Variants in NEGR1 observed in about 807,000 individuals in gnomAD.
The protein encoded by NEGR1 is IgLON family member 4.
Under a neutral mutation model 40.9 loss-of-function variants are expected in NEGR1, and 10 were observed. The ratio of observed to expected loss-of-function variants is 0.24; its 90% CI spans 0.15 to 0.42. The LOEUF (loss-of-function observed/expected upper bound fraction) is 0.42, where lower values mean the gene tolerates loss of function less well. Among genes scored for constraint, NEGR1 ranks in the 10% least tolerant of loss-of-function variants. The pLI is 1.00. For synonymous variants in NEGR1, 185 were observed against 166.8 expected, an observed-to-expected ratio of 1.11 and a Z score of -0.84; for missense variants, 352 against 438.9, an observed-to-expected ratio of 0.80 and a Z score of 1.77.
In NEGR1 at chr1:72,070,391, T is replaced by C. The variant is rs746991789; in HGVS notation, c.177-135080A>G. ...TAAAGAGTCGTAGGAGTAGTAGGAT[T>C]CTAATTTAAAGTCCTGTCAATATTA... is the stretch of plus-strand genomic sequence containing the variant. On this transcript the variant is annotated intron_variant, in intron 1 of 6. Coordinates refer to ENST00000357731, the MANE Select transcript of NEGR1 (RefSeq NM_173808.3). Among the ~76,000 whole-genome samples, 3 of 152,122 alleles carry C rather than the reference T, an allele frequency of 2.0e-5. No individual in the cohort carries two copies. The East Asian group carries it at 5.8e-4, about 29-fold the overall frequency.
chr1:71,751,246 G>T (rs1317835233), intron 3 of NEGR1, among the ~76,000 whole-genome samples: 1 of 152,016 alleles, frequency 6.6e-6, no homozygotes, highest in East Asian at 1.9e-4. Context: ...CCCAAGATCT[G>T]TTATTTTAAT....
chr1:71,526,480 C>G (rs930577480), intron 6 of NEGR1, among the ~76,000 whole-genome samples: 1 of 151,178 alleles, frequency 6.6e-6, no homozygotes, highest in Non-Finnish European at 1.5e-5. Flanking sequence ...GGATAAAGTC[C>G]AAGACATTTG....
intron 6 of NEGR1, among the ~76,000 whole-genome samples, chr1:71,567,796 A>G (rs1342954607): frequency 1.3e-5 from 2 of 151,718 alleles, no homozygotes; most frequent in African/African-American, 4.8e-5. Flanking sequence ...TGGGGAGCCA[A>G]TTAGGCCATG....
chr1:72,269,997 G>A (rs1410315664), intron 1 of NEGR1, among the ~76,000 whole-genome samples: 1 of 151,752 alleles, frequency 6.6e-6, no homozygotes, highest in South Asian at 2.1e-4. Flanking sequence ...CGTAATAAAT[G>A]AATAGCCAAT....
At position 72,251,139 on chromosome 1, in the gene NEGR1, T is replaced by C. The variant is rs1007046582; in HGVS notation, c.176+31180A>G. Among the ~76,000 whole-genome samples the C allele has an allele frequency of 2.6e-5, 4 of 152,208 alleles. No homozygotes were observed. The East Asian group carries it at 7.7e-4, about 29-fold the overall frequency. ...GATATTGAAACTGACTCCTGTTTAC[T>C]AGAAATTCTCTTGTGACTGTGTATG... is the stretch of plus-strand genomic sequence containing the variant. On this transcript the variant is annotated intron_variant, in intron 1 of 6. Transcript: ENST00000357731.
chr1:71,527,706 T>C (rs72938070), intron 6 of NEGR1, among the ~76,000 whole-genome samples: 6,090 of 151,366 alleles, frequency 0.04, 406 homozygotes, highest in African/African-American at 0.14. Flanking sequence ...TATTCACTTA[T>C]GGAGGAAAGA....
intron 1 of NEGR1, among the ~76,000 whole-genome samples, chr1:72,018,639 C>T (rs1338371819): frequency 1.3e-5 from 2 of 152,060 alleles, no homozygotes; most frequent in Non-Finnish European, 2.9e-5. Context: ...ATAAGTGCCA[C>T]AAAGCAAAAT....
At chr1:72,146,514 G>A (rs1184691665) in intron 1 of NEGR1, among the ~76,000 whole-genome samples, 1 of 152,082 alleles carries the variant, frequency 6.6e-6, no homozygotes, top group Non-Finnish European at 1.5e-5. Context: ...GCTGGATGAT[G>A]ACACCTTCAC....
chr1:71,831,764 T>C lies in NEGR1; in HGVS notation c.410-55467A>G, dbSNP rs145729997. Among the ~76,000 whole-genome samples, 447 of 149,574 alleles carry C rather than the reference T, an allele frequency of 3.0e-3. 4 individuals carry two copies. The highest frequency in any genetic ancestry group is 0.011 in the African/African-American group (430 of 40,608). ...CCCTGGGGATGTAGGAGGATTTCTA[T>C]AGAGAGGAAAGACCAAGGATATTTT... On this transcript the variant is annotated intron_variant, in intron 2 of 6. Coordinates refer to ENST00000357731, the MANE Select transcript of NEGR1 (RefSeq NM_173808.3).
At chr1:71,667,936 T>C (rs1652295600) in intron 4 of NEGR1, among the ~76,000 whole-genome samples, 1 of 152,222 alleles carries the variant, frequency 6.6e-6, no homozygotes, top group African/African-American at 2.4e-5. Flanking sequence ...CTATTATAGG[T>C]ATTGTTAATA....
intron 1 of NEGR1, among the ~76,000 whole-genome samples, chr1:72,129,193 T>C (rs1650146617): frequency 6.6e-6 from 1 of 152,176 alleles, no homozygotes; most frequent in South Asian, 2.1e-4. Context: ...TGTTACTGTT[T>C]CTGTTACTCT....
At chr1:72,125,385 T>A (rs1238870313) in intron 1 of NEGR1, among the ~76,000 whole-genome samples, 3 of 152,082 alleles carry the variant, frequency 2.0e-5, no homozygotes, top group Non-Finnish European at 4.4e-5. Flanking sequence ...AATGAAATAT[T>A]CATAACACTC....
At chr1:71,527,662 T>C (rs1469114719) in intron 6 of NEGR1, among the ~76,000 whole-genome samples, 2 of 151,494 alleles carry the variant, frequency 1.3e-5, no homozygotes, top group African/African-American at 2.4e-5. Context: ...GGATTACTTA[T>C]GGGTTTTCTA....
rs115176527 is a variant in NEGR1, at chr1:72,267,582, G to C, written c.176+14737C>G. ...TCAGAAAATCAACTCACCAATTATT[G>C]AAATTGCTAGAGAGAAGTGTCATCC... On this transcript the variant is annotated intron_variant, in intron 1 of 6. Transcript: ENST00000357731. Among the ~76,000 whole-genome samples the C allele has an allele frequency of 9.4e-3, 1,427 of 151,368 alleles. 31 individuals carry two copies. Among genetic ancestry groups the C allele is most frequent in the African/African-American group, 0.033 (1,364 of 41,448 alleles).
intron 6 of NEGR1, among the ~76,000 whole-genome samples, chr1:71,446,648 A>G (rs745974694): frequency 6.6e-6 from 1 of 152,168 alleles, no homozygotes; most frequent in Non-Finnish European, 1.5e-5. Context: ...TCATAATGGA[A>G]TCTGGTTACT....
intron 3 of NEGR1, among the ~76,000 whole-genome samples, chr1:71,718,045 ACT>A (rs1654336618): frequency 6.6e-6 from 1 of 152,084 alleles, no homozygotes; most frequent in Admixed American, 6.5e-5. Context: ...CATCTGTGAT[ACT>A]CTGTTTTGGT....
intron 1 of NEGR1, among the ~76,000 whole-genome samples, chr1:72,199,001 A>C (rs1011669822): frequency 6.6e-6 from 1 of 151,962 alleles, no homozygotes; most frequent in Non-Finnish European, 1.5e-5. Context: ...AAAATTATGA[A>C]AACAACGTTG....
At chr1:71,742,396 A>G (rs1655244614) in intron 3 of NEGR1, among the ~76,000 whole-genome samples, 1 of 152,094 alleles carries the variant, frequency 6.6e-6, no homozygotes, top group East Asian at 1.9e-4. Context: ...GTTCTGCCCC[A>G]CTGGGTTTGG....
chr1:72,174,229 G>C (rs1271234026), intron 1 of NEGR1, among the ~76,000 whole-genome samples: 1 of 152,068 alleles, frequency 6.6e-6, no homozygotes, highest in African/African-American at 2.4e-5. Flanking sequence ...GGAAAGTACA[G>C]AAGTCCCATA....
Sources: allele counts gnomAD v4.1 joint callset (sites outside exome capture counted in the v4.1 genomes callset), GRCh38; gene constraint gnomAD v4.1.1; transcripts MANE v1.5; gene names NCBI Gene and HGNC (gene_info 2026-07-23, HGNC 2026-07-21).